EHMT1: variants seen among roughly 807,000 people sequenced by gnomAD.
The protein encoded by EHMT1 is histone-lysine N-methyltransferase EHMT1.
In EHMT1, 15 loss-of-function variants were observed where a neutral mutation model predicts 147.2. That is an observed-to-expected ratio of 0.10 (90% CI 0.07 to 0.16). The LOEUF (loss-of-function observed/expected upper bound fraction) is 0.16. EHMT1 is among the 10% of genes least tolerant of loss of function. The pLI, the probability that EHMT1 is intolerant of heterozygous loss-of-function variation, is 1.00. For synonymous variants in EHMT1, 795 were observed against 709.6 expected, an observed-to-expected ratio of 1.12 and a Z score of -1.91; for missense variants, 1,587 against 1,772.4, an observed-to-expected ratio of 0.90 and a Z score of 1.88.
At chr9:137,774,852 C>T (rs1238834350) in intron 10 of EHMT1, among the ~76,000 whole-genome samples, 2 of 152,160 alleles carry the variant, frequency 1.3e-5, no homozygotes, top group South Asian at 4.1e-4. Flanking sequence ...TGGACCTGCT[C>T]ATGTGCCGCT....
chr9:137,728,218 C>T (rs981057199), intron 3 of EHMT1, 131 bp from the exon 4 acceptor site: 4 of 1,334,834 alleles, frequency 3.0e-6, no homozygotes, highest in Non-Finnish European at 3.2e-6. Context: ...CAGACTTTCT[C>T]CTCTCTCCAT....
intron 4 of EHMT1, among the ~76,000 whole-genome samples, chr9:137,738,192 TCAAAAAAAACAACAA>T (rs1564665034): frequency 6.8e-6 from 1 of 146,996 alleles, no homozygotes; most frequent in African/African-American, 2.5e-5. Context: ...AGACTCTGTC[TCAAAAAAAACAACAA>T]CAAAAAAAAA....
At position 137,798,930 on chromosome 9, in the gene EHMT1, C is replaced by T; in HGVS notation, c.2607+16C>T. ...CAACTGTCAGGTACAGCCACCCCCT[C>T]CCCTTAGCAGTACACTGTGTGGACT... On this transcript the variant is annotated intron_variant, in intron 17 of 26. Coordinates refer to ENST00000460843, the MANE Select transcript of EHMT1 (RefSeq NM_024757.5). 1 of 1,595,848 alleles carries T rather than the reference C, an allele frequency of 6.3e-7. No individual in the cohort carries two copies. The highest frequency in any genetic ancestry group is 8.6e-7 in the Non-Finnish European group (1 of 1,163,396).
intron 1 of EHMT1, among the ~76,000 whole-genome samples, chr9:137,655,228 G>T (rs1460418158): frequency 1.3e-5 from 2 of 151,822 alleles, no homozygotes; most frequent in Non-Finnish European, 2.9e-5. Flanking sequence ...TTTCGGCCAG[G>T]CTGGTCTCGA....
intron 1 of EHMT1, chr9:137,674,961 AAGGACC>A (rs1249989425): frequency 1.3e-5 from 2 of 152,212 alleles, no homozygotes; most frequent in Non-Finnish European, 2.9e-5. Context: ...AACTTCTGTA[AAGGACC>A]AGGTATGTGG....
chr9:137,798,902 C>T lies in EHMT1; in HGVS notation c.2595C>T (p.Asp865=), dbSNP rs780742937. The T allele has an allele frequency of 5.4e-5, 87 of 1,612,842 alleles. No individual in the cohort carries two copies. Among genetic ancestry groups the T allele is most frequent in the Middle Eastern group, 1.6e-4 (1 of 6,078 alleles). The part of the protein sequence containing the change: ...VQYLLSNGQM[D]VNCQDDGGWT... ...ACCTGCTTTCAAATGGACAGATGGA[C>T]GTCAACTGTCAGGTACAGCCACCCC... Residue 865 remains aspartate (D), a synonymous_variant, in exon 17 of 27, where the codon GAC becomes GAT. Transcript: ENST00000460843.
chr9:137,676,501 G>A (rs1941337924), intron 1 of EHMT1: 1 of 152,402 alleles, frequency 6.6e-6, no homozygotes, highest in East Asian at 1.9e-4. Context: ...AAGTAGCCGG[G>A]ACTACAGGTG....
chr9:137,797,445 G>C (rs935896780), intron 16 of EHMT1, among the ~76,000 whole-genome samples: 1 of 152,080 alleles, frequency 6.6e-6, no homozygotes, highest in East Asian at 1.9e-4. Flanking sequence ...TCTCTCACCT[G>C]CTTGATTCAG....
intron 18 of EHMT1, among the ~76,000 whole-genome samples, chr9:137,807,716 C>T (rs1312754867): frequency 1.3e-5 from 2 of 152,090 alleles, no homozygotes; most frequent in Non-Finnish European, 2.9e-5. Flanking sequence ...CCACGTTGCC[C>T]AGGCTGGTCT....
At chr9:137,815,403 C>G (rs1383660027) in intron 22 of EHMT1, 1 of 205,906 alleles carries the variant, frequency 4.9e-6, no homozygotes, top group Non-Finnish European at 1.0e-5. Flanking sequence ...CTGAAGCCGT[C>G]AAGCCAGAGT....
rs975619427 is a variant in EHMT1, at chr9:137,834,104, C to A, written c.3541-245C>A. 5 of 591,882 alleles carry A rather than the reference C, an allele frequency of 8.4e-6. No individual in the cohort carries two copies. In the Admixed American group the frequency reaches 9.0e-5, roughly 11 times the overall value. The allele number at this position is 591,882 out of a possible 1,614,324, so 36.7% of individuals were successfully genotyped here. On this transcript the variant is annotated intron_variant, in intron 25 of 26. Transcript: ENST00000460843. ...GCCGTCAAGGGAACGGCCCGCACCACCCCCACCCCACCACAGACGGAGGCC... is the reference window on the plus strand; with the variant it reads ...GCCGTCAAGGGAACGGCCCGCACCAACCCCACCCCACCACAGACGGAGGCC...
intron 4 of EHMT1, among the ~76,000 whole-genome samples, chr9:137,742,292 TG>T: frequency 1.7e-5 from 1 of 58,282 alleles, no homozygotes; most frequent in East Asian, 7.4e-4. Flanking sequence ...ACCAAATTTG[TG>T]TGTGTGTGTG....
chr9:137,690,137 G>A (rs953153706), intron 1 of EHMT1, among the ~76,000 whole-genome samples: 4 of 152,146 alleles, frequency 2.6e-5, no homozygotes, highest in Non-Finnish European at 5.9e-5. Flanking sequence ...GAGATGAGAT[G>A]GCAGGCAGTG....
At chr9:137,717,344 T>TA in intron 3 of EHMT1, 162 bp downstream of exon 3, 1 of 930,560 alleles carries the variant, frequency 1.1e-6, no homozygotes, top group African/African-American at 1.6e-5. Flanking sequence ...GGCTTACAGC[T>TA]GTTATCGCAG....
chr9:137,802,736 G>T, intron 18 of EHMT1: 1 of 1,088,440 alleles, frequency 9.2e-7, no homozygotes. Context: ...AGGCACGCAG[G>T]CCTCTCTGGA....
Position 137,828,361 on chromosome 9 carries a change from C to T in EHMT1, c.3541-5988C>T, listed in dbSNP as rs572458518. ...GTGGGGGGCAGCACATGCCAGGCTG[C>T]CACATGTGTGTGTGGCCTCAGGGAG... On this transcript the variant is annotated intron_variant, in intron 25 of 26. Transcript: ENST00000460843. The surrounding 1 kb of genome is among the most constrained non-coding windows in gnomAD (Gnocchi z 5.3). Among the ~76,000 whole-genome samples, 3 of 151,598 alleles carry T rather than the reference C, an allele frequency of 2.0e-5. No homozygotes were observed. The highest frequency in any genetic ancestry group is 4.4e-5 in the Non-Finnish European group (3 of 67,878).
intron 2 of EHMT1, among the ~76,000 whole-genome samples, chr9:137,712,580 A>C (rs1042791939): frequency 6.6e-6 from 1 of 152,094 alleles, no homozygotes; most frequent in Non-Finnish European, 1.5e-5. Flanking sequence ...CCATCTTTAG[A>C]GCTTCTTTGG....
intron 8 of EHMT1, among the ~76,000 whole-genome samples, chr9:137,755,371 T>C (rs1949305523): frequency 6.6e-6 from 1 of 152,200 alleles, no homozygotes; most frequent in Non-Finnish European, 1.5e-5. Context: ...CTGAGTATAA[T>C]TGTTTTGAGT....
chr9:137,711,883 G>A (rs1470783285), intron 2 of EHMT1, among the ~76,000 whole-genome samples: 2 of 152,222 alleles, frequency 1.3e-5, no homozygotes, highest in Admixed American at 1.3e-4. Flanking sequence ...GCTGGAGCCT[G>A]CTCCTCTCCA....
Sources: gnomAD v4.1 joint callset for allele counts (sites outside exome capture counted in the v4.1 genomes callset) on GRCh38, gnomAD v4.1.1 for gene constraint, Gnocchi (gnomAD v3.1) non-coding constraint, MANE v1.5 for transcripts, NCBI Gene and HGNC (gene_info 2026-07-23, HGNC 2026-07-21) for gene names.